Variants in CHD3 observed in about 807,000 individuals in gnomAD.
CHD3 encodes the protein ATP-dependent chromatin remodeler CHD3.
CHD3 carries 52 observed loss-of-function variants against 248.9 expected under a neutral mutation model. The ratio of observed to expected loss-of-function variants is 0.21; its 90% confidence interval spans 0.17 to 0.26. CHD3 has a LOEUF of 0.26. Ranked by LOEUF, CHD3 falls within the 10% of genes least tolerant of loss-of-function variation. The pLI is 1.00. For missense variants in CHD3, 1,482 were observed against 2,605.8 expected, an observed-to-expected ratio of 0.57 and a Z score of 9.39; for synonymous variants, 985 against 985.2, an observed-to-expected ratio of 1.00 and a Z score of 0.00.
chr17:7,910,814 C>T lies in CHD3; in HGVS notation c.5755-33C>T. ...CTTCTTTCCTCTCACAGACTATGAA[C>T]TAACTCCAACTTCTGCTTCCTCTCT... On this transcript the variant is annotated intron_variant, in intron 38 of 39. Transcript: ENST00000330494. This position sits in a 1 kb window ranked among gnomAD's most constrained non-coding sequence, Gnocchi z 4.7. The T allele has an allele frequency of 6.3e-7, 1 of 1,582,756 alleles. No individual in the cohort carries two copies. The highest frequency in any genetic ancestry group is 8.6e-7 in the Non-Finnish European group (1 of 1,168,248).
Position 7,908,536 on chromosome 17 carries a change from G to C in CHD3, c.5261+26G>C. The stretch of plus-strand genomic sequence containing the variant: ...GTATCCTTTGATACACATGCAAGAA[G>C]GAAAAGGTTCTCTCAAGCTGGCAAA... On this transcript the variant is annotated intron_variant, in intron 35 of 39. Transcript: ENST00000330494. This position sits in a 1 kb window ranked among gnomAD's most constrained non-coding sequence, Gnocchi z 5.8. 1.9e-6 allele frequency: 3 copies of C among 1,595,836 alleles called. No individual in the cohort carries two copies.
intron 2 of CHD3, 128 bp from the exon 3 acceptor site, chr17:7,890,443 A>G: frequency 6.2e-6 from 4 of 645,244 alleles, no homozygotes; most frequent in Non-Finnish European, 5.0e-6. Context: ...AAAAAAAAGG[A>G]GATAAAAAAT....
In CHD3 at chr17:7,905,046, A is replaced by G. The variant is rs542378657; in HGVS notation, c.4073-54A>G. Reference sequence around the variant, plus strand: ...GAATCCAGCCAGAAAGGGCCTCAGCATGGGCATATCCCGAGAGCCCTCCCT... The same window carrying G: ...GAATCCAGCCAGAAAGGGCCTCAGCGTGGGCATATCCCGAGAGCCCTCCCT... On this transcript the variant is annotated intron_variant, in intron 25 of 39. Coordinates refer to ENST00000330494, the MANE Select transcript of CHD3 (RefSeq NM_001005273.3). This position sits in a 1 kb window ranked among gnomAD's most constrained non-coding sequence, Gnocchi z 5.8. 137 of 1,513,114 alleles carry G rather than the reference A, an allele frequency of 9.1e-5. 2 individuals are homozygous for G. In the South Asian group the frequency reaches 1.4e-3, roughly 16 times the overall value. The allele number at this position is 1,513,114 out of a possible 1,614,324, so 93.7% of individuals were successfully genotyped here.
intron 20 of CHD3, among the ~76,000 whole-genome samples, chr17:7,901,883 G>C (rs536820606): frequency 8.4e-4 from 128 of 152,186 alleles, no homozygotes; most frequent in Non-Finnish European, 1.5e-3. Context: ...ATGAGGGAAG[G>C]GGGAGGGTGA....
rs1970029201 is a variant in CHD3 at position 7,899,193 on chromosome 17, C to T, written c.2334C>T (p.Leu778=). 1 of 1,613,150 alleles carries T rather than the reference C, an allele frequency of 6.2e-7. No homozygotes were observed. The highest frequency in any genetic ancestry group is 2.2e-5 in the East Asian group (1 of 44,858). Residue 778 remains leucine (L), a synonymous_variant, in exon 14 of 40, where the codon CTC becomes CTT. Transcript: ENST00000330494. The surrounding 1 kb of genome is among the most constrained non-coding windows in gnomAD (Gnocchi z 6.8). The part of the protein sequence containing the change: ...TIQTIVFLYS[L]YKEGHTKGPF... The stretch of plus-strand genomic sequence containing the variant: ...AAACCATCGTCTTCCTCTACTCACT[C>T]TACAAGGAGGTGCTGGATTCTAGGA...
Position 7,911,517 on chromosome 17 carries a change from G to A in CHD3, c.5935G>A (p.Ala1979Thr), listed in dbSNP as rs1260153651. ...GAAGAAGGAGAAGGAAATGGTGGGG[G>A]CATTGGTGTCAGACGGGCTGGATCG... ...LVKKEKEMVG[A>T]LVSDGLDRKE... The change falls in exon 40 of 40, where the codon GCA becomes ACA. Residue 1979 changes from alanine to threonine, a missense_variant. By Grantham distance (58) the Ala-to-Thr change is moderately conservative. This residue lies in a region of CHD3 where 117 missense variants were observed against 137.2 expected (regional missense o/e 0.85). Coordinates refer to ENST00000330494, the MANE Select transcript of CHD3 (RefSeq NM_001005273.3). This position sits in a 1 kb window ranked among gnomAD's most constrained non-coding sequence, Gnocchi z 5.4. The A allele has an allele frequency of 1.1e-5, 18 of 1,614,214 alleles. No homozygotes were observed. Among genetic ancestry groups the A allele is most frequent in the Non-Finnish European group, 1.5e-5 (18 of 1,180,034 alleles).
At position 7,911,785 on chromosome 17, in the gene CHD3, C is replaced by T; in HGVS notation, c.*200C>T. ...CTCCACTCCCACACACCTTTCCCAC[C>T]AAGCCTTGAAGACTGTGCTGGTGAG... On this transcript the variant is annotated 3_prime_UTR_variant, in exon 40 of 40. Coordinates refer to ENST00000330494, the MANE Select transcript of CHD3 (RefSeq NM_001005273.3). The surrounding 1 kb of genome is among the most constrained non-coding windows in gnomAD (Gnocchi z 5.4). 1 of 1,477,904 alleles carries T rather than the reference C, an allele frequency of 6.8e-7. No individual in the cohort carries two copies. The highest frequency in any genetic ancestry group is 1.4e-5 in the African/African-American group (1 of 71,340). The allele number at this position is 1,477,904 out of a possible 1,614,324, so 91.5% of individuals were successfully genotyped here.
chr17:7,892,363 G>A (rs115770479), intron 4 of CHD3, among the ~76,000 whole-genome samples: 5 of 152,258 alleles, frequency 3.3e-5, no homozygotes, highest in South Asian at 2.1e-4. Flanking sequence ...ATTATTGTGA[G>A]GACAAGATAA....
Position 7,900,696 on chromosome 17 carries a change from G to A in CHD3, c.2943G>A (p.Glu981=), listed in dbSNP as rs1248290421. Residue 981 remains glutamate (E), a synonymous_variant, in exon 18 of 40, where the codon GAG becomes GAA. Transcript: ENST00000330494. The surrounding 1 kb of genome is among the most constrained non-coding windows in gnomAD (Gnocchi z 6.5). ...DVFKNMPAKT[E]LIVRVELSPM... Reference sequence around the variant, plus strand: ...TTAAGAACATGCCAGCCAAGACAGAGCTCATCGTTCGGGTGGAGCTAAGCC... The same window carrying A: ...TTAAGAACATGCCAGCCAAGACAGAACTCATCGTTCGGGTGGAGCTAAGCC... 5 of 1,613,930 alleles carry A rather than the reference G, an allele frequency of 3.1e-6. No homozygotes were observed. Among genetic ancestry groups the A allele is most frequent in the Non-Finnish European group, 4.2e-6 (5 of 1,179,966 alleles).
At position 7,908,948 on chromosome 17, in the gene CHD3, A is replaced by C; in HGVS notation, c.5394+119A>C. On this transcript the variant is annotated intron_variant, in intron 36 of 39. Coordinates refer to ENST00000330494, the MANE Select transcript of CHD3 (RefSeq NM_001005273.3). This position sits in a 1 kb window ranked among gnomAD's most constrained non-coding sequence, Gnocchi z 5.8. ...CAGGGCTGAGGTGATACCTGGGGCC[A>C]AGACCAAAGTGTAACCTTGTGCTTG... The C allele has an allele frequency of 1.4e-6, 2 of 1,463,372 alleles. No individual in the cohort carries two copies. The highest frequency in any genetic ancestry group is 1.9e-6 in the Non-Finnish European group (2 of 1,063,340). 90.6% of individuals were successfully genotyped at this position (1,463,372 alleles called of 1,614,324 possible).
upstream of CHD3, among the ~76,000 whole-genome samples, chr17:7,887,327 A>G (rs1169525439): frequency 6.6e-6 from 1 of 152,070 alleles, no homozygotes; most frequent in African/African-American, 2.4e-5. Flanking sequence ...GTCTCCTTAC[A>G]TTGTTAAACG....
Position 7,912,033 on chromosome 17 carries a change from G to C in CHD3, c.*448G>C. ...GGAAGAGAGCTTTGAAGAGAGGAGG[G>C]GGACTTTAGAGAGGGATGAAAATGA... is the stretch of plus-strand genomic sequence containing the variant. On this transcript the variant is annotated 3_prime_UTR_variant, in exon 40 of 40. Coordinates refer to ENST00000330494, the MANE Select transcript of CHD3 (RefSeq NM_001005273.3). 3.3e-6 allele frequency: 1 copy of C among 302,252 alleles called. No individual in the cohort carries two copies. Among genetic ancestry groups the C allele is most frequent in the South Asian group, 2.9e-5 (1 of 34,840 alleles). The allele number at this position is 302,252 out of a possible 1,614,324, so 18.7% of individuals were successfully genotyped here.
In CHD3 at chr17:7,888,871, A is replaced by C; in HGVS notation, c.-130A>C. On this transcript the variant is annotated 5_prime_UTR_variant, in exon 1 of 40. Transcript: ENST00000330494. ...ACAAAATATGGAGGTGAAGGGTGAGATCGGGAAACAAAGGGTATGGCCCCC... is the reference window on the plus strand; with the variant it reads ...ACAAAATATGGAGGTGAAGGGTGAGCTCGGGAAACAAAGGGTATGGCCCCC... The C allele has an allele frequency of 6.7e-7, 1 of 1,494,678 alleles. No homozygotes were observed. Among genetic ancestry groups the C allele is most frequent in the Non-Finnish European group, 8.9e-7 (1 of 1,124,192 alleles). The allele number at this position is 1,494,678 out of a possible 1,614,324, so 92.6% of individuals were successfully genotyped here.
chr17:7,886,341 TCTGGGTGTCCACACC>T (rs1011064383), upstream of CHD3, among the ~76,000 whole-genome samples: 3 of 152,190 alleles, frequency 2.0e-5, no homozygotes, highest in African/African-American at 7.2e-5. The surrounding 1 kb of genome is among the most constrained non-coding windows in gnomAD (Gnocchi z 4.2). Flanking sequence ...TAGGTGAGCA[TCTGGGTGTCCACACC>T]CCCTGCTTGG....
In CHD3 at chr17:7,897,301, C is replaced by A. The variant is rs745452588; in HGVS notation, c.1919+7C>A. 5.3e-5 allele frequency: 85 copies of A among 1,611,952 alleles called. No homozygotes were observed. Among genetic ancestry groups the A allele is most frequent in the Non-Finnish European group, 6.9e-5 (81 of 1,179,174 alleles). On this transcript the variant is annotated splice_region_variant and intron_variant, in intron 11 of 39. Transcript: ENST00000330494. This position sits in a 1 kb window ranked among gnomAD's most constrained non-coding sequence, Gnocchi z 4.8. ...ACCGCATCATCAACCACAGGTGAAT[C>A]CTCGGTCCCTGGGAAGTCAGACCTG...
chr17:7,899,863 TG>T lies in CHD3; in HGVS notation c.2545-31del, dbSNP rs1325604867. On this transcript the variant is annotated intron_variant, in intron 15 of 39. Transcript: ENST00000330494. The surrounding 1 kb of genome is among the most constrained non-coding windows in gnomAD (Gnocchi z 6.8). ...GAGGTGTAGGTGCATGGTTGTCAGG[TG>T]GCAGCTGAATGGGCAATAATTATGT... 2 of 1,605,108 alleles carry T rather than the reference TG, an allele frequency of 1.2e-6. No homozygotes were observed. The highest frequency in any genetic ancestry group is 1.7e-6 in the Non-Finnish European group (2 of 1,174,214).
chr17:7,894,530 C>T lies in CHD3; in HGVS notation c.1191C>T (p.Cys397=). Residue 397 remains cysteine, a synonymous_variant, in exon 8 of 40, where the codon TGC becomes TGT. Transcript: ENST00000330494. ...QGGEIILCDT[C]PRAYHLVCLD... ...GGGAAATTATTCTGTGTGACACCTG[C>T]CCTCGTGCCTACCACCTCGTCTGCC... 6.2e-7 allele frequency: 1 copy of T among 1,614,062 alleles called. No homozygotes were observed. Among genetic ancestry groups the T allele is most frequent in the Non-Finnish European group, 8.5e-7 (1 of 1,179,992 alleles).
chr17:7,897,027 G>T lies in CHD3; in HGVS notation c.1708-56G>T. On this transcript the variant is annotated intron_variant, in intron 10 of 39. Coordinates refer to ENST00000330494, the MANE Select transcript of CHD3 (RefSeq NM_001005273.3). This position sits in a 1 kb window ranked among gnomAD's most constrained non-coding sequence, Gnocchi z 4.8. ...CCTGCCGGCCTCTTCCCGGTTCCTT[G>T]TTGTCCTCTGTGAGTGTCAGGACTA... is the stretch of plus-strand genomic sequence containing the variant. 2.0e-6 allele frequency: 3 copies of T among 1,466,328 alleles called. No homozygotes were observed. The highest frequency in any genetic ancestry group is 2.3e-5 in the South Asian group (2 of 87,590). 90.8% of individuals were successfully genotyped at this position (1,466,328 alleles called of 1,614,324 possible). A position where few individuals can be genotyped will look rare whatever the true frequency, so the allele number is the denominator to read the frequency against.
In CHD3 at chr17:7,903,516, TC is replaced by T; in HGVS notation, c.3727+14del. 1.3e-6 allele frequency: 2 copies of T among 1,598,150 alleles called. No individual in the cohort carries two copies. The highest frequency in any genetic ancestry group is 1.7e-6 in the Non-Finnish European group (2 of 1,168,900). On this transcript the variant is annotated intron_variant, in intron 23 of 39. Transcript: ENST00000330494. The surrounding 1 kb of genome is among the most constrained non-coding windows in gnomAD (Gnocchi z 6.8). ...GATGAAAACGAGGGTGAGAACCTTT[TC>T]TGCAGCTCTGTGAAAGCAGGCCCCT...
Sources: allele counts gnomAD v4.1 joint callset (sites outside exome capture counted in the v4.1 genomes callset), GRCh38; gene constraint gnomAD v4.1.1; regional missense constraint gnomAD v4.1.1; non-coding constraint Gnocchi (gnomAD v3.1); transcripts MANE v1.5; gene names NCBI Gene and HGNC (gene_info 2026-07-23, HGNC 2026-07-21).